ABCC9: variants seen among roughly 807,000 people sequenced by gnomAD.
ABCC9 encodes the protein ATP-binding cassette sub-family C member 9.
A neutral mutation model predicts 188.3 loss-of-function variants in ABCC9; 95 were observed. That is an observed-to-expected ratio of 0.50 (90% confidence interval 0.43 to 0.60). ABCC9 has a LOEUF of 0.60. Among genes scored for constraint, ABCC9 ranks in the 20% least tolerant of loss-of-function variants. The pLI, the probability that ABCC9 is intolerant of heterozygous loss-of-function variation, is 0.00. For synonymous variants in ABCC9, 659 were observed against 652.7 expected (o/e 1.01, Z -0.15); for missense variants, 1,102 against 1,876.3 (o/e 0.59, Z 7.62).
rs541924663 is a variant in ABCC9 at position 21,873,422 on chromosome 12, C to CA, written c.2093-693dup. 9.2e-5 allele frequency among the ~76,000 whole-genome samples: 14 copies of CA among 151,584 alleles called. No individual in the cohort carries two copies. The East Asian group carries it at 1.2e-3, about 13-fold the overall frequency. On this transcript the variant is annotated intron_variant, in intron 17 of 39. Transcript: ENST00000261200. ...ATGACATTGGTGAAATTAACACAAACAAAAAAAATGAAAAGACTTCTGGGC... is the reference window on the plus strand; with the variant it reads ...ATGACATTGGTGAAATTAACACAAACAAAAAAAAATGAAAAGACTTCTGGGC...
In ABCC9 at chr12:21,838,513, C is replaced by T. The variant is rs997658619; in HGVS notation, c.3474-343G>A. ...TTTCCTTAAGCGGGTAGAATTTAGG[C>T]GAGACCTTAAGCTTGATGAGGGCTT... On this transcript the variant is annotated intron_variant, in intron 29 of 39. Transcript: ENST00000261200. Among the ~76,000 whole-genome samples, 4 of 151,988 alleles carry T rather than the reference C, an allele frequency of 2.6e-5. No homozygotes were observed. In the South Asian group the frequency reaches 6.2e-4, roughly 24 times the overall value.
At chr12:21,929,367 G>A (rs1448218536) in intron 4 of ABCC9, among the ~76,000 whole-genome samples, 1 of 151,802 alleles carries the variant, frequency 6.6e-6, no homozygotes, top group Non-Finnish European at 1.5e-5. Context: ...AAACCTAGGA[G>A]AGTAAACCGG....
chr12:21,809,526 G>T (rs745708866), intron 37 of ABCC9, among the ~76,000 whole-genome samples: 7 of 152,114 alleles, frequency 4.6e-5, no homozygotes, highest in African/African-American at 7.2e-5. Context: ...TAGGTGATCA[G>T]ACAGGTCAAC....
At chr12:21,849,774 G>A (rs1471095789) in intron 24 of ABCC9, among the ~76,000 whole-genome samples, 1 of 152,178 alleles carries the variant, frequency 6.6e-6, no homozygotes, top group African/African-American at 2.4e-5. Context: ...GGCCAGGCCA[G>A]GTGAGGACAG....
rs574440852 is a variant in ABCC9, at chr12:21,856,882, T to C, written c.2505+2704A>G. Among the ~76,000 whole-genome samples the C allele has an allele frequency of 3.3e-5, 5 of 152,250 alleles. No homozygotes were observed. In the South Asian group the frequency reaches 8.3e-4, roughly 25 times the overall value. On this transcript the variant is annotated intron_variant, in intron 22 of 39. Coordinates refer to ENST00000261200, the MANE Select transcript of ABCC9 (RefSeq NM_020297.4). ...TCTTTGCTGATTACATAGCCAATAC[T>C]CAAAAGGCATGCATTTCTAGCACAA...
intron 15 of ABCC9, among the ~76,000 whole-genome samples, chr12:21,883,750 A>G (rs1311783458): frequency 1.3e-5 from 2 of 152,132 alleles, no homozygotes; most frequent in African/African-American, 4.8e-5. Context: ...AAGATATTAC[A>G]GTGTTTCATC....
chr12:21,921,694 C>T (rs1948826027), intron 5 of ABCC9, among the ~76,000 whole-genome samples: 1 of 151,946 alleles, frequency 6.6e-6, no homozygotes, highest in African/African-American at 2.4e-5. Flanking sequence ...GTAGTAGTTT[C>T]ACAGTTTAAG....
chr12:21,899,935 C>T (rs1947635205), intron 12 of ABCC9, among the ~76,000 whole-genome samples: 1 of 152,174 alleles, frequency 6.6e-6, no homozygotes, highest in South Asian at 2.1e-4. Context: ...ACTTAAATGT[C>T]CCTGTCTGAC....
chr12:21,900,955 G>A (rs897025098), intron 12 of ABCC9, among the ~76,000 whole-genome samples: 6 of 152,138 alleles, frequency 3.9e-5, no homozygotes, highest in African/African-American at 7.2e-5. Flanking sequence ...TACAGAGAAC[G>A]CCACAAAGAT....
intron 15 of ABCC9, among the ~76,000 whole-genome samples, chr12:21,885,413 C>A (rs948821655): frequency 6.6e-6 from 1 of 152,058 alleles, no homozygotes; most frequent in Non-Finnish European, 1.5e-5. Context: ...TTTCTCAGTT[C>A]AATTTTTCTT....
intron 5 of ABCC9, chr12:21,923,283 T>G (rs918933640): frequency 1.3e-5 from 2 of 151,446 alleles, no homozygotes; most frequent in African/African-American, 4.8e-5. Context: ...GAAGAAATGA[T>G]AAATTATACT....
chr12:21,863,092 A>G, intron 19 of ABCC9, 38 bp from the exon 20 acceptor site: 1 of 1,340,684 alleles, frequency 7.5e-7, no homozygotes, highest in Non-Finnish European at 1.1e-6. Context: ...CACCAGGATT[A>G]TGCAAAGGTA....
rs1189597278 is a variant in ABCC9, at chr12:21,801,151, G to C, written c.4543C>G (p.Leu1515Val). The stretch of plus-strand genomic sequence containing the variant: ...TTTCCTCGCTTCATCACAATAACCA[G>C]GTCTGCCGTCAGAATAGTGTGTACT... ...HRVHTILTAD[L>V]VIVMKRGNIL... Residue 1515 changes from leucine to valine, a missense_variant, in exon 40 of 40, where the codon CTG (leucine) becomes GTG (valine). By Grantham distance (32) the Leu-to-Val change is conservative. Transcript: ENST00000261200. 1.9e-6 allele frequency: 3 copies of C among 1,613,824 alleles called. No homozygotes were observed. The highest frequency in any genetic ancestry group is 2.5e-6 in the Non-Finnish European group (3 of 1,179,942).
chr12:21,861,106 A>G, intron 20 of ABCC9, 51 bp from the exon 21 acceptor site: 1 of 1,431,766 alleles, frequency 7.0e-7, no homozygotes, highest in South Asian at 1.1e-5. Context: ...TACATTGTCC[A>G]TAAACTAAGT....
In ABCC9 at chr12:21,829,006, A is replaced by G. The variant is rs767458242; in HGVS notation, c.3621T>C (p.Ile1207=). The G allele has an allele frequency of 1.4e-5, 22 of 1,613,948 alleles. No individual in the cohort carries two copies. In the African/African-American group the frequency reaches 1.6e-4, roughly 12 times the overall value. The part of the protein sequence containing the change: ...RMLELTDTNN[I]AYLFLSAANR... ...TGGCAGCTGAGAGAAATAAGTAGGC[A>G]ATGTTGTTTGTATCCGTCAGTTCCA... Residue 1207 remains isoleucine, a synonymous_variant, in exon 31 of 40, where the codon ATT becomes ATC. Transcript: ENST00000261200.
At chr12:21,825,717 A>G (rs1230751254) in intron 31 of ABCC9, among the ~76,000 whole-genome samples, 1 of 152,156 alleles carries the variant, frequency 6.6e-6, no homozygotes, top group Non-Finnish European at 1.5e-5. Flanking sequence ...GGGTGCAGCA[A>G]ACCACCATGG....
In ABCC9 at chr12:21,817,187, C is replaced by A. The variant is rs1396561705; in HGVS notation, c.3892G>T (p.Asp1298Tyr). The A allele has an allele frequency of 1.2e-6, 2 of 1,613,060 alleles. No homozygotes were observed. The highest frequency in any genetic ancestry group is 1.7e-6 in the Non-Finnish European group (2 of 1,179,406). Residue 1298 changes from aspartate to tyrosine, a missense_variant and splice_region_variant, in exon 33 of 40, where the codon GAT (aspartate) becomes TAT (tyrosine). By Grantham distance (160) the Asp-to-Tyr change is radical. Around this residue, in one of 12 missense-constraint regions of ABCC9, gnomAD observed 143 missense variants for 225.6 expected, o/e 0.63. Coordinates refer to ENST00000261200, the MANE Select transcript of ABCC9 (RefSeq NM_020297.4). The part of the protein sequence containing the change: ...MESENYEGTM[D>Y]PSQVPEHWPQ... ...AGACAAACAATATTTAGAGCAATACCCATTGTGCCTTCATAGTTCTCTGAC... is the reference window on the plus strand; with the variant it reads ...AGACAAACAATATTTAGAGCAATACACATTGTGCCTTCATAGTTCTCTGAC...
chr12:21,901,372 G>A (rs1350464815), intron 12 of ABCC9, among the ~76,000 whole-genome samples: 3 of 152,148 alleles, frequency 2.0e-5, no homozygotes, highest in Non-Finnish European at 2.9e-5. Context: ...AAAGCCCATC[G>A]ATGCTAGGAA....
At chr12:21,912,579 A>T (rs1383782886) in intron 8 of ABCC9, among the ~76,000 whole-genome samples, 1 of 152,082 alleles carries the variant, frequency 6.6e-6, no homozygotes, top group Non-Finnish European at 1.5e-5. Context: ...AAATAAAACA[A>T]TCAATGCACA....
Sources: gnomAD v4.1 joint callset for allele counts (sites outside exome capture counted in the v4.1 genomes callset) on GRCh38, gnomAD v4.1.1 for gene constraint, gnomAD v4.1.1 regional missense constraint, MANE v1.5 for transcripts, NCBI Gene and HGNC (gene_info 2026-07-23, HGNC 2026-07-21) for gene names.